ABCA2: variants seen among roughly 807,000 people sequenced by gnomAD.
ABCA2 encodes ATP-binding cassette sub-family A member 2.
In ABCA2, 84 loss-of-function variants were observed where a neutral mutation model predicts 262.8. The ratio of observed to expected loss-of-function variants is 0.32; its 90% CI spans 0.27 to 0.38. ABCA2 has a LOEUF of 0.38. Ranked by LOEUF, ABCA2 falls within the 10% of genes least tolerant of loss-of-function variation. The probability of loss-of-function intolerance (pLI) is 1.00; values close to 1 mark genes in which losing one functional copy is unlikely to be tolerated. For synonymous variants in ABCA2, 1,696 were observed against 1,502.9 expected, an observed-to-expected ratio of 1.13 and a Z score of -2.97; for missense variants, 2,662 against 3,405.9, an observed-to-expected ratio of 0.78 and a Z score of 5.44.
rs1588504638 is a variant in ABCA2, at chr9:137,008,820, A to G, written c.6979T>C (p.Ser2327Pro). 1.9e-6 allele frequency: 3 copies of G among 1,605,608 alleles called. No individual in the cohort carries two copies. In the South Asian group the frequency reaches 3.3e-5, roughly 18 times the overall value. The change falls in exon 47 of 49, where the codon TCG (serine) becomes CCG (proline). Residue 2327 changes from serine to proline, a missense_variant. Transcript: ENST00000341511. Reference protein sequence around the residue: ...VQYQLKSEHISLAQVFSKMEQ... With the variant: ...VQYQLKSEHIPLAQVFSKMEQ... ...ATCTTGCTGAACACCTGGGCCAGCG[A>G]GATGTGCTCCGACTTGAGCTGGTAC...
chr9:137,019,769 C>T lies in ABCA2; in HGVS notation c.1426-463G>A, dbSNP rs1278889343. The T allele has an allele frequency of 2.0e-5, 4 of 198,602 alleles. No homozygotes were observed. Among genetic ancestry groups the T allele is most frequent in the South Asian group, 1.5e-4 (2 of 13,312 alleles). The allele number at this position is 198,602 out of a possible 1,614,324, so 12.3% of individuals were successfully genotyped here. Reference sequence around the variant, plus strand: ...CAGGTGAAACCTGCTTTGCCCTCCACTCCCAGGGCAGCACGGCCTCCGGAC... The same window carrying T: ...CAGGTGAAACCTGCTTTGCCCTCCATTCCCAGGGCAGCACGGCCTCCGGAC... On this transcript the variant is annotated intron_variant, in intron 10 of 48. Coordinates refer to ENST00000341511, the MANE Select transcript of ABCA2 (RefSeq NM_001606.5). The surrounding 1 kb of genome is among the most constrained non-coding windows in gnomAD (Gnocchi z 4.4).
At position 137,017,579 on chromosome 9, in the gene ABCA2, G is replaced by A; in HGVS notation, c.2325C>T (p.Gly775=). The change falls in exon 17 of 49, where the codon GGC becomes GGT. Residue 775 remains glycine, a synonymous_variant. Coordinates refer to ENST00000341511, the MANE Select transcript of ABCA2 (RefSeq NM_001606.5). ...CCACGTGGCTGTGCATAAGCACCTG[G>A]CCGTACTTCAGGATGGCGGTGAGTG... The part of the protein sequence containing the change: ...VTALTAILKY[G]QVLMHSHVVI... 6.2e-7 allele frequency: 1 copy of A among 1,612,734 alleles called. No individual in the cohort carries two copies. Among genetic ancestry groups the A allele is most frequent in the Non-Finnish European group, 8.5e-7 (1 of 1,179,920 alleles).
intron 39 of ABCA2, 79 bp from the exon 40 acceptor site, chr9:137,010,816 G>A: frequency 8.7e-6 from 13 of 1,495,638 alleles, no homozygotes; most frequent in Non-Finnish European, 1.2e-5. Context: ...GCATCCTCTG[G>A]CTGTGGCATG....
intron 10 of ABCA2, 154 bp downstream of exon 10, chr9:137,020,182 G>C: frequency 1.0e-6 from 1 of 952,652 alleles, no homozygotes; most frequent in Non-Finnish European, 1.5e-6. Flanking sequence ...CGACCCCCTG[G>C]TCCCCCACCT....
At position 137,015,178 on chromosome 9, in the gene ABCA2, G is replaced by A. The variant is rs2131445303; in HGVS notation, c.3698-81C>T. The A allele has an allele frequency of 9.0e-6, 13 of 1,449,648 alleles. No individual in the cohort carries two copies. The South Asian group carries it at 1.4e-4, about 15-fold the overall frequency. The allele number at this position is 1,449,648 out of a possible 1,614,324, so 89.8% of individuals were successfully genotyped here. A position where few individuals can be genotyped will look rare whatever the true frequency, so the allele number is the denominator to read the frequency against. On this transcript the variant is annotated intron_variant, in intron 24 of 48. Transcript: ENST00000341511. Reference sequence around the variant, plus strand: ...CCCAATGGGAACCCAACTGGGTCAAGATATGGGCATTGGAGAGGAAGAACC... The same window carrying A: ...CCCAATGGGAACCCAACTGGGTCAAAATATGGGCATTGGAGAGGAAGAACC...
In ABCA2 at chr9:137,012,506, G is replaced by A. The variant is rs200702540; in HGVS notation, c.5166C>T (p.Ile1722=). 7.4e-6 allele frequency: 12 copies of A among 1,611,548 alleles called. No individual in the cohort carries two copies. The highest frequency in any genetic ancestry group is 2.2e-5 in the East Asian group (1 of 44,860). The change falls in exon 32 of 49, where the codon ATC becomes ATT. Residue 1722 remains isoleucine, a synonymous_variant. Coordinates refer to ENST00000341511, the MANE Select transcript of ABCA2 (RefSeq NM_001606.5). The part of the protein sequence containing the change: ...GTRAPPMVRK[I]AVRRAAQVFY... ...TCACCTGGGCAGCCCTGCGCACCGC[G>A]ATCTTCCGCACCATGGGTGGGGCCC...
At chr9:137,010,581 TACCCCACCCAG>T in intron 40 of ABCA2, 28 bp downstream of exon 40, 1 of 1,185,754 alleles carries the variant, frequency 8.4e-7, no homozygotes, top group Non-Finnish European at 1.2e-6. Context: ...GGCCCTGGCC[TACCCCACCCAG>T]GCCCCACCCT....
rs375755710 is a variant in ABCA2 at position 137,017,090 on chromosome 9, G to C, written c.2588C>G (p.Ser863Cys). The change falls in exon 19 of 49, where the codon TCT (serine) becomes TGT (cysteine). Residue 863 changes from serine (S) to cysteine (C), a missense_variant. Ser to Cys is a moderately radical substitution (Grantham distance 112). Around this residue, in one of 12 missense-constraint regions of ABCA2, gnomAD observed 188 missense variants for 343.4 expected, o/e 0.55. Transcript: ENST00000341511. ...CACCTCATACAGCGCGAAGTACTTA[G>C]AGCCCAGACCAAAGGCCGTCGTGGA... ...LMSTTAFGLG[S>C]KYFALYEVAG... 3 of 1,612,750 alleles carry C rather than the reference G, an allele frequency of 1.9e-6. No homozygotes were observed. Among genetic ancestry groups the C allele is most frequent in the East Asian group, 4.5e-5 (2 of 44,880 alleles).
intron 29 of ABCA2, 41 bp from the exon 30 acceptor site, chr9:137,013,359 G>GCCCCTCGTCAGCCCCGC: frequency 2.0e-6 from 3 of 1,527,312 alleles, no homozygotes; most frequent in Non-Finnish European, 2.6e-6. Flanking sequence ...GCCAGTCTCC[G>GCCCCTCGTCAGCCCCGC]CCCCTCGCCA....
chr9:137,012,050 C>T (rs767832047), intron 34 of ABCA2, 32 bp from the exon 35 acceptor site: 30 of 1,612,196 alleles, frequency 1.9e-5, no homozygotes, highest in African/African-American at 9.3e-5. Flanking sequence ...TCCTCACGGC[C>T]GGGGCTGCAG....
Position 137,018,313 on chromosome 9 carries a change from G to A in ABCA2, c.1858C>T (p.Pro620Ser). ...TGGCGGATCTTGTAGTGCACGTGAG[G>A]CGGGAGCGAGCCGTCCTTCCGGGTC... Reference protein sequence around the residue: ...FQTRKDGSLPPHVHYKIRQNS... With the variant: ...FQTRKDGSLPSHVHYKIRQNS... Residue 620 changes from proline (P) to serine (S), a missense_variant, in exon 14 of 49, where the codon CCT (proline) becomes TCT (serine). Transcript: ENST00000341511. The A allele has an allele frequency of 3.1e-6, 5 of 1,605,952 alleles. No individual in the cohort carries two copies. Among genetic ancestry groups the A allele is most frequent in the Non-Finnish European group, 4.2e-6 (5 of 1,178,358 alleles).
At chr9:137,026,730 C>A (rs1831664954) in intron 1 of ABCA2, among the ~76,000 whole-genome samples, 1 of 152,220 alleles carries the variant, frequency 6.6e-6, no homozygotes, top group African/African-American at 2.4e-5. Context: ...CAGGGGCCAC[C>A]ATTCCAGCCT....
chr9:137,022,406 G>A lies in ABCA2; in HGVS notation c.512C>T (p.Ser171Leu), dbSNP rs1239201913. The A allele has an allele frequency of 5.6e-6, 9 of 1,611,608 alleles. No individual in the cohort carries two copies. Among genetic ancestry groups the A allele is most frequent in the East Asian group, 4.5e-5 (2 of 44,856 alleles). The change falls in exon 6 of 49, where the codon TCG (serine) becomes TTG (leucine). Residue 171 changes from serine to leucine, a missense_variant. Ser to Leu is a moderately radical substitution (Grantham distance 145). Around this residue, in one of 12 missense-constraint regions of ABCA2, gnomAD observed 403 missense variants for 375.9 expected, o/e 1.07. Coordinates refer to ENST00000341511, the MANE Select transcript of ABCA2 (RefSeq NM_001606.5). ...TGCTTGGGCCGTGCTATTGGGCAGC[G>A]ACAAGTTTTGCGTCAGGAAACGCCA... Reference protein sequence around the residue: ...ELWRFLTQNLSLPNSTAQALL... With the variant: ...ELWRFLTQNLLLPNSTAQALL...
chr9:137,010,461 A>G (rs1000251511), intron 40 of ABCA2, 90 bp from the exon 41 acceptor site: 2 of 1,223,738 alleles, frequency 1.6e-6, no homozygotes, highest in Non-Finnish European at 2.1e-6. Context: ...CCACCTCCAG[A>G]GCCCAGGGGG....
Position 137,024,201 on chromosome 9 carries a change from C to T in ABCA2, c.102G>A (p.Val34=), listed in dbSNP as rs1208440771. The change falls in exon 2 of 49, where the codon GTG becomes GTA. Residue 34 remains valine, a synonymous_variant. Coordinates refer to ENST00000341511, the MANE Select transcript of ABCA2 (RefSeq NM_001606.5). ...GCAGCCCCAGCAGGATAAAGAACAGCACCAGGGGGATGAAGATCTCGAAGG... is the reference window on the plus strand; with the variant it reads ...GCAGCCCCAGCAGGATAAAGAACAGTACCAGGGGGATGAAGATCTCGAAGG... ...VLAFEIFIPL[V]LFFILLGLRQ... 1 of 1,612,140 alleles carries T rather than the reference C, an allele frequency of 6.2e-7. No homozygotes were observed. Among genetic ancestry groups the T allele is most frequent in the African/African-American group, 1.3e-5 (1 of 74,936 alleles).
In ABCA2 at chr9:137,009,321, G is replaced by A. The variant is rs766232035; in HGVS notation, c.6827+49C>T. On this transcript the variant is annotated intron_variant, in intron 45 of 48. Transcript: ENST00000341511. ...CCACTCCTGGCCCCGCTGCCTGGCC[G>A]CCCCCCCCGGGCCCGCCCCAGCCCA... The A allele has an allele frequency of 1.8e-5, 21 of 1,181,486 alleles. No individual in the cohort carries two copies. The East Asian group carries it at 2.2e-4, about 13-fold the overall frequency. The allele number at this position is 1,181,486 out of a possible 1,614,324, so 73.2% of individuals were successfully genotyped here. A position where few individuals can be genotyped will look rare whatever the true frequency, so the allele number is the denominator to read the frequency against.
chr9:137,015,185 G>A, intron 24 of ABCA2, 88 bp from the exon 25 acceptor site: 1 of 1,412,018 alleles, frequency 7.1e-7, no homozygotes, highest in Non-Finnish European at 9.5e-7. Context: ...CAAGATATGG[G>A]CATTGGAGAG....
rs777537643 is a variant in ABCA2, at chr9:137,019,063, G to T, written c.1562C>A (p.Ala521Glu). ...QHLRWLQQYV[A>E]ELRLHPEALN... The stretch of plus-strand genomic sequence containing the variant: ...TGCCTCGGGGTGCAGCCGCAGCTCT[G>T]CTACATACTTGGGGTGGAGGGGCGG... The change falls in exon 12 of 49, where the codon GCA becomes GAA. Residue 521 changes from alanine (A) to glutamate (E), a missense_variant. This residue lies in a region of ABCA2 where 187 missense variants were observed against 205.9 expected (regional missense o/e 0.91). Coordinates refer to ENST00000341511, the MANE Select transcript of ABCA2 (RefSeq NM_001606.5). This position sits in a 1 kb window ranked among gnomAD's most constrained non-coding sequence, Gnocchi z 4.4. The T allele has an allele frequency of 6.2e-7, 1 of 1,609,978 alleles. No individual in the cohort carries two copies. The highest frequency in any genetic ancestry group is 8.5e-7 in the Non-Finnish European group (1 of 1,177,808).
chr9:137,016,860 G>A, intron 19 of ABCA2, 60 bp downstream of exon 19: 2 of 1,590,892 alleles, frequency 1.3e-6, no homozygotes, highest in Non-Finnish European at 1.7e-6. Flanking sequence ...CAGACTGCTG[G>A]TCCCCAACCC....
Sources: allele counts gnomAD v4.1 joint callset (sites outside exome capture counted in the v4.1 genomes callset), GRCh38; gene constraint gnomAD v4.1.1; regional missense constraint gnomAD v4.1.1; non-coding constraint Gnocchi (gnomAD v3.1); transcripts MANE v1.5; gene names NCBI Gene and HGNC (gene_info 2026-07-23, HGNC 2026-07-21).